The following EPHA6 variants were observed in gnomAD, a reference collection of about 807,000 sequenced individuals.
The protein encoded by EPHA6 is EPH receptor A6.
EPHA6 carries 50 observed loss-of-function variants against 112.0 expected under a neutral mutation model. The ratio of observed to expected loss-of-function variants is 0.45; its 90% CI spans 0.36 to 0.56. The LOEUF (loss-of-function observed/expected upper bound fraction) is 0.56. EPHA6 is among the 20% of genes least tolerant of loss of function. EPHA6 has a pLI of 0.00. For synonymous variants in EPHA6, 529 were observed against 490.7 expected (o/e 1.08, Z -1.03); for missense variants, 1,280 against 1,417.4 (o/e 0.90, Z 1.56).
At chr3:97,166,474 G>A (rs1340416428) in intron 3 of EPHA6, among the ~76,000 whole-genome samples, 1 of 151,960 alleles carries the variant, frequency 6.6e-6, no homozygotes, top group South Asian at 2.1e-4. Flanking sequence ...GATTTATTAA[G>A]TTAGGTTGGA....
At chr3:97,520,526 A>G (rs1437759399) in intron 10 of EPHA6, among the ~76,000 whole-genome samples, 4 of 152,212 alleles carry the variant, frequency 2.6e-5, no homozygotes, top group Non-Finnish European at 4.4e-5. Flanking sequence ...AACTTTGAAT[A>G]TATCATCCTA....
At chr3:97,666,356 G>A (rs1018808556) in intron 14 of EPHA6, among the ~76,000 whole-genome samples, 2 of 152,194 alleles carry the variant, frequency 1.3e-5, no homozygotes, top group African/African-American at 4.8e-5. Flanking sequence ...AAACTGAGTG[G>A]CTTAATCAAC....
chr3:97,749,188 T>C lies in EPHA6; in HGVS notation c.*487T>C. 1 of 223,836 alleles carries C rather than the reference T, an allele frequency of 4.5e-6. No individual in the cohort carries two copies. Among genetic ancestry groups the C allele is most frequent in the Non-Finnish European group, 8.9e-6 (1 of 112,110 alleles). The allele number at this position is 223,836 out of a possible 1,614,324, so 13.9% of individuals were successfully genotyped here. On this transcript the variant is annotated 3_prime_UTR_variant, in exon 18 of 18. Transcript: ENST00000389672. ...TCTATTGGTTGTATTATTACTTTATTTTTTAATACTTTAACTGTTGGTGCC... is the reference window on the plus strand; with the variant it reads ...TCTATTGGTTGTATTATTACTTTATCTTTTAATACTTTAACTGTTGGTGCC...
intron 3 of EPHA6, among the ~76,000 whole-genome samples, chr3:97,213,166 G>A (rs1217149091): frequency 1.3e-5 from 2 of 152,084 alleles, no homozygotes; most frequent in East Asian, 3.9e-4. Context: ...GTAGTTTCTG[G>A]TTTCCTGTGG....
chr3:97,000,096 T>C (rs933554305), intron 3 of EPHA6, among the ~76,000 whole-genome samples: 1 of 151,802 alleles, frequency 6.6e-6, no homozygotes, highest in Non-Finnish European at 1.5e-5. Flanking sequence ...TTCCAAGTTA[T>C]TGCATATTAA....
At chr3:97,334,062 A>G (rs934905329) in intron 5 of EPHA6, among the ~76,000 whole-genome samples, 1 of 152,016 alleles carries the variant, frequency 6.6e-6, no homozygotes, top group African/African-American at 2.4e-5. Context: ...TGATATAATC[A>G]TGTTTTTATT....
At chr3:97,208,121 G>T (rs551327058) in intron 3 of EPHA6, among the ~76,000 whole-genome samples, 2 of 152,216 alleles carry the variant, frequency 1.3e-5, no homozygotes, top group Admixed American at 1.3e-4. Context: ...TGCTGTTGCT[G>T]CATATAGCAT....
intron 14 of EPHA6, among the ~76,000 whole-genome samples, chr3:97,651,512 A>G (rs1193252356): frequency 6.6e-6 from 1 of 152,086 alleles, no homozygotes; most frequent in Non-Finnish European, 1.5e-5. Flanking sequence ...TATCTGCAAT[A>G]CATCTAGTCC....
chr3:97,466,167 C>G (rs1304405527), intron 7 of EPHA6: 1 of 655,854 alleles, frequency 1.5e-6, no homozygotes, highest in East Asian at 2.9e-5. Context: ...AGCACATTTC[C>G]ACTCCATTTC....
rs2044877497 is a variant in EPHA6, at chr3:97,032,121, A to G, written c.1114+44128A>G. 4.6e-5 allele frequency among the ~76,000 whole-genome samples: 7 copies of G among 152,304 alleles called. No individual in the cohort carries two copies. The South Asian group carries it at 1.2e-3, about 27-fold the overall frequency. On this transcript the variant is annotated intron_variant, in intron 3 of 17. Transcript: ENST00000389672. The stretch of plus-strand genomic sequence containing the variant: ...ACCATGGAATACTATGCAGCCATAA[A>G]AAAGGATGAGTTCATGTCCTTTGTA...
At chr3:97,446,064 T>C (rs1313682402) in intron 6 of EPHA6, among the ~76,000 whole-genome samples, 2 of 152,292 alleles carry the variant, frequency 1.3e-5, no homozygotes, top group South Asian at 2.1e-4. Flanking sequence ...ATGGAGTTGA[T>C]GCGTCAGCAG....
Position 97,582,523 on chromosome 3 carries a change from G to GA in EPHA6, c.2387-10085dup, listed in dbSNP as rs137897736. 8.6e-3 allele frequency among the ~76,000 whole-genome samples: 1,306 copies of GA among 152,236 alleles called. 23 individuals carry two copies. Among genetic ancestry groups the GA allele is most frequent in the African/African-American group, 0.029 (1,208 of 41,534 alleles). The stretch of plus-strand genomic sequence containing the variant: ...ACCTCATGCAAAAAATAGCTACCTG[G>GA]AAAAGTGGACATATCTTGCCACCAA... On this transcript the variant is annotated intron_variant, in intron 11 of 17. Coordinates refer to ENST00000389672, the MANE Select transcript of EPHA6 (RefSeq NM_001080448.3).
chr3:97,049,204 A>G (rs1329772637), intron 3 of EPHA6, among the ~76,000 whole-genome samples: 2 of 152,172 alleles, frequency 1.3e-5, no homozygotes, highest in African/African-American at 4.8e-5. Context: ...CATAAGATAC[A>G]TTGGAGAAAT....
intron 2 of EPHA6, among the ~76,000 whole-genome samples, chr3:96,938,086 T>A (rs960837544): frequency 4.9e-4 from 74 of 151,728 alleles, no homozygotes; most frequent in Non-Finnish European, 8.3e-4. Context: ...GACTTGGTGA[T>A]GCGGGCTCTT....
chr3:97,561,433 T>C (rs904711439), intron 11 of EPHA6, among the ~76,000 whole-genome samples: 4 of 152,030 alleles, frequency 2.6e-5, no homozygotes, highest in African/African-American at 9.7e-5. Context: ...AAAGTTTTAG[T>C]GGTCTGGATA....
intron 3 of EPHA6, among the ~76,000 whole-genome samples, chr3:97,134,170 G>T (rs2075711251): frequency 6.6e-6 from 1 of 151,970 alleles, no homozygotes; most frequent in African/African-American, 2.4e-5. Context: ...GTATCCAAAT[G>T]AGATTCTCCC....
At chr3:96,884,220 A>G (rs996654538) in intron 2 of EPHA6, among the ~76,000 whole-genome samples, 6 of 152,024 alleles carry the variant, frequency 3.9e-5, no homozygotes, top group East Asian at 1.9e-4. Flanking sequence ...TTGGTTCCAT[A>G]TGAATTTTAG....
At position 97,373,539 on chromosome 3, in the gene EPHA6, T is replaced by G. The variant is rs115268021; in HGVS notation, c.1607-31611T>G. On this transcript the variant is annotated intron_variant, in intron 5 of 17. Coordinates refer to ENST00000389672, the MANE Select transcript of EPHA6 (RefSeq NM_001080448.3). The stretch of plus-strand genomic sequence containing the variant: ...AGATTAGAATATTATTCCACAGTCA[T>G]TTACTTTTGAAGTCAGAAAATTGAT... 8.4e-3 allele frequency among the ~76,000 whole-genome samples: 1,273 copies of G among 152,278 alleles called. 14 individuals are homozygous for G. Among genetic ancestry groups the G allele is most frequent in the African/African-American group, 0.027 (1,129 of 41,564 alleles).
intron 5 of EPHA6, among the ~76,000 whole-genome samples, chr3:97,381,533 T>C (rs1577172512): frequency 6.6e-6 from 1 of 152,080 alleles, no homozygotes; most frequent in East Asian, 1.9e-4. Context: ...TACACCCCTA[T>C]TAGGTAAACC....
Sources: gnomAD v4.1 joint callset for allele counts (sites outside exome capture counted in the v4.1 genomes callset) on GRCh38, gnomAD v4.1.1 for gene constraint, MANE v1.5 for transcripts, NCBI Gene and HGNC (gene_info 2026-07-23, HGNC 2026-07-21) for gene names.